UTS2: variants seen among roughly 807,000 people sequenced by gnomAD.
UTS2 encodes the protein urotensin 2.
In UTS2, 10 loss-of-function variants were observed where a neutral mutation model predicts 12.6. The observed-to-expected ratio is 0.80, with a 90% confidence interval of 0.49 to 1.35. The LOEUF (loss-of-function observed/expected upper bound fraction) is 1.35, where lower values mean the gene tolerates loss of function less well. UTS2 is among the 40% of genes most tolerant of loss of function. The pLI, the probability that UTS2 is intolerant of heterozygous loss-of-function variation, is 0.00. For missense variants in UTS2, 142 were observed against 143.2 expected, an observed-to-expected ratio of 0.99 and a Z score of 0.04; for synonymous variants, 52 against 50.0, an observed-to-expected ratio of 1.04 and a Z score of -0.17.
the UTS2 span, among the ~76,000 whole-genome samples, chr1:7,872,975 A>G: frequency 6.6e-6 from 1 of 152,158 alleles, no homozygotes. Flanking sequence ...TGAAGTCAGC[A>G]CTCATTTACC....
At chr1:7,888,501 T>C in the UTS2 span, among the ~76,000 whole-genome samples, 1 of 152,314 alleles carries the variant, frequency 6.6e-6, no homozygotes, top group Middle Eastern at 3.4e-3. Flanking sequence ...AAAATGTCTG[T>C]ACCTTTCTTT....
chr1:7,855,690 T>G (rs914066580), upstream of UTS2, among the ~76,000 whole-genome samples: 3 of 150,946 alleles, frequency 2.0e-5, no homozygotes, highest in African/African-American at 7.3e-5. Context: ...GCCATTATTA[T>G]TATTATTATT....
At chr1:7,883,908 C>T in the UTS2 span, among the ~76,000 whole-genome samples, 25 of 152,030 alleles carry the variant, frequency 1.6e-4, no homozygotes, top group African/African-American at 4.8e-5. Flanking sequence ...TCCACCACCC[C>T]GGTTCAAGTG....
chr1:7,867,974 C>T, the UTS2 span, among the ~76,000 whole-genome samples: 13 of 152,308 alleles, frequency 8.5e-5, 1 homozygote, highest in South Asian at 2.7e-3. Flanking sequence ...CAAGTGCACT[C>T]ATACAGCTGG....
At chr1:7,853,291 A>G, upstream of UTS2, 2 of 1,614,092 alleles carry the variant, frequency 1.2e-6, no homozygotes, top group Non-Finnish European at 1.7e-6. Flanking sequence ...TAAATCTGGC[A>G]AAAGAGGCAA....
rs764780144 is a variant in UTS2, at chr1:7,847,760, T to C, written c.*6A>G. ...TCTGAGCTGACTAACAGATGCTTAT[T>C]TCACTTCAGACACAGTATTTCCAGA... On this transcript the variant is annotated 3_prime_UTR_variant, in exon 4 of 4. Transcript: ENST00000361696. 1.6e-5 allele frequency: 26 copies of C among 1,596,844 alleles called. No individual in the cohort carries two copies. The South Asian group carries it at 1.8e-4, about 11-fold the overall frequency.
chr1:7,859,058 C>T, the UTS2 span, among the ~76,000 whole-genome samples: 1 of 152,140 alleles, frequency 6.6e-6, no homozygotes, highest in Non-Finnish European at 1.5e-5. Flanking sequence ...GCTTTGAATA[C>T]TGCAATGTTT....
chr1:7,911,674 A>ATGG, the UTS2 span, among the ~76,000 whole-genome samples: 4 of 152,058 alleles, frequency 2.6e-5, no homozygotes, highest in African/African-American at 9.7e-5. Flanking sequence ...AGGCCTAGGC[A>ATGG]GTGGATCACC....
At chr1:7,863,016 T>TGTACTGTAC in the UTS2 span, among the ~76,000 whole-genome samples, 1 of 22,432 alleles carries the variant, frequency 4.5e-5, no homozygotes, top group South Asian at 1.6e-3. Context: ...TTGTATTGTA[T>TGTACTGTAC]TGTATTGTAT....
the UTS2 span, among the ~76,000 whole-genome samples, chr1:7,868,267 ATTTATT>A: frequency 6.6e-6 from 1 of 152,126 alleles, no homozygotes; most frequent in Admixed American, 6.5e-5. Flanking sequence ...GCCGCTACTG[ATTTATT>A]GCAGATAGGG....
the UTS2 span, among the ~76,000 whole-genome samples, chr1:7,885,351 G>C: frequency 6.6e-6 from 1 of 152,182 alleles, no homozygotes; most frequent in Non-Finnish European, 1.5e-5. Context: ...CATCTGGGTC[G>C]AGCCCATGGG....
At chr1:7,849,308 G>T (rs112820229) in intron 3 of UTS2, among the ~76,000 whole-genome samples, 3 of 151,932 alleles carry the variant, frequency 2.0e-5, no homozygotes, top group Non-Finnish European at 2.9e-5. Context: ...TCTGCCTCCC[G>T]GGTTCAAGCG....
chr1:7,893,235 G>A, the UTS2 span, among the ~76,000 whole-genome samples: 10 of 152,286 alleles, frequency 6.6e-5, no homozygotes, highest in East Asian at 1.9e-4. Flanking sequence ...GATTTAGGCC[G>A]GGCGCAGTGG....
Position 7,850,264 on chromosome 1 carries a change from C to T in UTS2, c.214+548G>A, listed in dbSNP as rs192683668. ...GGATTACAGGTGTGAGCCACCGCAC[C>T]CAGCAAAAGGCTCAATTTTGTTTCC... On this transcript the variant is annotated intron_variant, in intron 2 of 3. Coordinates refer to ENST00000361696, the MANE Select transcript of UTS2 (RefSeq NM_006786.4). Among the ~76,000 whole-genome samples the T allele has an allele frequency of 8.9e-4, 136 of 152,248 alleles. 2 individuals are homozygous for T. The South Asian group carries it at 0.024, about 27-fold the overall frequency.
chr1:7,912,123 GA>G, the UTS2 span, among the ~76,000 whole-genome samples: 1 of 152,066 alleles, frequency 6.6e-6, no homozygotes, highest in South Asian at 2.1e-4. Context: ...TTTCTGTGAA[GA>G]AATATGAACC....
At chr1:7,855,393 G>C (rs190331073), upstream of UTS2, among the ~76,000 whole-genome samples, 552 of 152,142 alleles carry the variant, frequency 3.6e-3, 8 homozygotes, top group African/African-American at 0.013. Flanking sequence ...AGACAAGCCT[G>C]GCCAACATGG....
At chr1:7,874,775 G>C in the UTS2 span, among the ~76,000 whole-genome samples, 6 of 152,206 alleles carry the variant, frequency 3.9e-5, no homozygotes, top group Admixed American at 6.5e-5. Context: ...TCAGGGGAGG[G>C]ACCTGGTGGG....
the UTS2 span, among the ~76,000 whole-genome samples, chr1:7,874,593 C>A: frequency 1.3e-5 from 2 of 152,316 alleles, no homozygotes; most frequent in Admixed American, 6.5e-5. Context: ...ACAAAGGGAG[C>A]CAAAGCCCAT....
the UTS2 span, among the ~76,000 whole-genome samples, chr1:7,905,956 G>A: frequency 1.3e-5 from 2 of 151,920 alleles, no homozygotes; most frequent in East Asian, 1.9e-4. Context: ...CTGGGCACAC[G>A]GGGGCCTGAA....
Sources: gnomAD v4.1 joint callset for allele counts (sites outside exome capture counted in the v4.1 genomes callset) on GRCh38, gnomAD v4.1.1 for gene constraint, MANE v1.5 for transcripts, NCBI Gene and HGNC (gene_info 2026-07-23, HGNC 2026-07-21) for gene names.